The following TGFA variants were observed in gnomAD, a reference collection of about 807,000 sequenced individuals.
The protein encoded by TGFA is protransforming growth factor alpha.
A neutral mutation model predicts 21.7 loss-of-function variants in TGFA; 12 were observed. The observed-to-expected ratio is 0.55, with a 90% confidence interval of 0.35 to 0.90. TGFA has a LOEUF of 0.90. Ranked by LOEUF, TGFA falls within the 40% of genes least tolerant of loss-of-function variation. The pLI is 0.01. For missense variants in TGFA, 178 were observed against 210.8 expected (o/e 0.84, Z 0.96); for synonymous variants, 79 against 88.1 (o/e 0.90, Z 0.58).
chr2:70,504,322 A>G (rs1671833223), intron 2 of TGFA, among the ~76,000 whole-genome samples: 2 of 150,966 alleles, frequency 1.3e-5, no homozygotes, highest in African/African-American at 4.9e-5. Flanking sequence ...AGTTGGGAGG[A>G]TTACTTGAGC....
rs574564364 is a variant in TGFA at position 70,488,599 on chromosome 2, C to T, written c.95-22863G>A. On this transcript the variant is annotated intron_variant, in intron 2 of 5. Coordinates refer to ENST00000295400, the MANE Select transcript of TGFA (RefSeq NM_003236.4). ...TTTAATATCTGGCAGTACAAATTTACAAATTTGTCATCTTCCCTTGCCCCT... is the reference window on the plus strand; with the variant it reads ...TTTAATATCTGGCAGTACAAATTTATAAATTTGTCATCTTCCCTTGCCCCT... 1.1e-4 allele frequency among the ~76,000 whole-genome samples: 15 copies of T among 134,240 alleles called. No homozygotes were observed. In the East Asian group the frequency reaches 3.0e-3, roughly 27 times the overall value. 88.1% of individuals were successfully genotyped at this position (134,240 alleles called of 152,430 possible). A position where few individuals can be genotyped will look rare whatever the true frequency, so the allele number is the denominator to read the frequency against.
intron 5 of TGFA, among the ~76,000 whole-genome samples, chr2:70,451,547 C>T (rs1416891844): frequency 6.6e-6 from 1 of 152,090 alleles, no homozygotes; most frequent in African/African-American, 2.4e-5. Flanking sequence ...CCAGACCCAT[C>T]CCCAGGCTTA....
chr2:70,485,689 C>T (rs1671251229), intron 2 of TGFA, among the ~76,000 whole-genome samples: 1 of 152,188 alleles, frequency 6.6e-6, no homozygotes, highest in Non-Finnish European at 1.5e-5. Flanking sequence ...AGCTTAGGGA[C>T]ATACTGATCA....
intron 1 of TGFA, among the ~76,000 whole-genome samples, chr2:70,545,047 T>C (rs1673250379): frequency 6.6e-6 from 1 of 152,200 alleles, no homozygotes; most frequent in South Asian, 2.1e-4. Context: ...AAGGGATAAA[T>C]GCTTGAGGTC....
chr2:70,490,049 T>A (rs1004202741), intron 2 of TGFA, among the ~76,000 whole-genome samples: 2 of 152,182 alleles, frequency 1.3e-5, no homozygotes, highest in Non-Finnish European at 2.9e-5. Context: ...ATGGGATTTT[T>A]AAAAACTCTT....
chr2:70,528,243 T>C (rs1241854373), intron 1 of TGFA, among the ~76,000 whole-genome samples: 1 of 152,232 alleles, frequency 6.6e-6, no homozygotes, highest in African/African-American at 2.4e-5. Flanking sequence ...TTTTGAACAA[T>C]TGCTCATTAA....
At chr2:70,469,828 T>TAG (rs1313066685) in intron 2 of TGFA, among the ~76,000 whole-genome samples, 2 of 152,180 alleles carry the variant, frequency 1.3e-5, no homozygotes, top group Non-Finnish European at 2.9e-5. Flanking sequence ...GGTAAAGTAT[T>TAG]AGGTCAGTAG....
At chr2:70,524,939 A>G (rs1443980328) in intron 1 of TGFA, among the ~76,000 whole-genome samples, 4 of 152,090 alleles carry the variant, frequency 2.6e-5, no homozygotes, top group African/African-American at 9.7e-5. Flanking sequence ...CTGGCCTGTG[A>G]TGTCTCAGAA....
chr2:70,472,291 T>C (rs893560914), intron 2 of TGFA, among the ~76,000 whole-genome samples: 1 of 152,092 alleles, frequency 6.6e-6, no homozygotes, highest in South Asian at 2.1e-4. Flanking sequence ...GGGCTGACGA[T>C]AGGAAAAGCA....
At chr2:70,461,554 A>AG (rs782328842) in intron 3 of TGFA, 1 of 152,224 alleles carries the variant, frequency 6.6e-6, no homozygotes, top group Non-Finnish European at 1.5e-5. Context: ...GAAAGTTGTC[A>AG]GGGAGTTGGG....
intron 2 of TGFA, among the ~76,000 whole-genome samples, chr2:70,494,554 C>T (rs1553498095): frequency 6.6e-6 from 1 of 152,130 alleles, no homozygotes; most frequent in African/African-American, 2.4e-5. Context: ...ATAAGCAGGG[C>T]TTATTTTTCA....
chr2:70,484,732 A>T lies in TGFA; in HGVS notation c.95-18996T>A, dbSNP rs539682956. ...TTTCTGTTCTGAGATAGAATCTGCC[A>T]TTCCTGATTCCTGGCTTCCTGGAGT... On this transcript the variant is annotated intron_variant, in intron 2 of 5. Transcript: ENST00000295400. Among the ~76,000 whole-genome samples, 5 of 152,338 alleles carry T rather than the reference A, an allele frequency of 3.3e-5. No homozygotes were observed. The East Asian group carries it at 7.7e-4, about 24-fold the overall frequency.
intron 1 of TGFA, among the ~76,000 whole-genome samples, chr2:70,529,596 C>CCCT (rs782795030): frequency 7.3e-6 from 1 of 136,144 alleles, no homozygotes; most frequent in African/African-American, 3.5e-5. Flanking sequence ...AATCCCCCCG[C>CCCT]CCCAGTCCTA....
intron 2 of TGFA, among the ~76,000 whole-genome samples, chr2:70,475,759 A>G (rs1423708294): frequency 6.6e-6 from 1 of 152,170 alleles, no homozygotes; most frequent in African/African-American, 2.4e-5. Flanking sequence ...GGCTAAAACC[A>G]GAGACTGTAT....
chr2:70,489,934 C>T (rs1671380088), intron 2 of TGFA, among the ~76,000 whole-genome samples: 1 of 152,198 alleles, frequency 6.6e-6, no homozygotes, highest in African/African-American at 2.4e-5. Flanking sequence ...TACCGCCTTT[C>T]AATCTTCCAC....
chr2:70,472,427 C>A (rs536735975), intron 2 of TGFA, among the ~76,000 whole-genome samples: 2 of 152,342 alleles, frequency 1.3e-5, no homozygotes, highest in South Asian at 4.1e-4. Context: ...AAACGCACAT[C>A]TTGCAGACAC....
intron 2 of TGFA, among the ~76,000 whole-genome samples, chr2:70,512,429 G>T (rs1553501062): frequency 6.6e-6 from 1 of 152,174 alleles, no homozygotes; most frequent in East Asian, 1.9e-4. Flanking sequence ...AGAAGGTGTG[G>T]CACTGCCTCT....
chr2:70,514,902 C>T lies in TGFA; in HGVS notation c.51G>A (p.Leu17=). 6.2e-7 allele frequency: 1 copy of T among 1,613,950 alleles called. No individual in the cohort carries two copies. The highest frequency in any genetic ancestry group is 8.5e-7 in the Non-Finnish European group (1 of 1,179,954). ...QLALFALGIV[L]AACQALENST... ...TGTTCTCCAAGGCCTGGCACGCAGC[C>T]AACACAATACCTGTTGGGTGGAGGA... Residue 17 remains leucine, a synonymous_variant, in exon 2 of 6, where the codon TTG becomes TTA. Coordinates refer to ENST00000295400, the MANE Select transcript of TGFA (RefSeq NM_003236.4).
chr2:70,457,099 A>G (rs1553490698), intron 3 of TGFA, among the ~76,000 whole-genome samples: 13 of 152,194 alleles, frequency 8.5e-5, no homozygotes, highest in Non-Finnish European at 4.4e-5. Flanking sequence ...TAAAGGCACA[A>G]GCAAGGTCGT....
Sources: allele counts gnomAD v4.1 joint callset (sites outside exome capture counted in the v4.1 genomes callset), GRCh38; gene constraint gnomAD v4.1.1; transcripts MANE v1.5; gene names NCBI Gene and HGNC (gene_info 2026-07-23, HGNC 2026-07-21).